The following CEP112 variants were observed in gnomAD, a reference collection of about 807,000 sequenced individuals.
CEP112 encodes centrosomal protein of 112 kDa.
In CEP112, 127 loss-of-function variants were observed where a neutral mutation model predicts 153.0. The observed-to-expected ratio is 0.83, with a 90% CI of 0.72 to 0.96. The LOEUF is 0.96. Among genes scored for constraint, CEP112 ranks in the 40% least tolerant of loss-of-function variants. CEP112 has a pLI of 0.00. For missense variants in CEP112, 1,089 were observed against 1,101.2 expected (o/e 0.99, Z 0.16); for synonymous variants, 358 against 374.4 (o/e 0.96, Z 0.51).
At chr17:66,025,701 G>C (rs756527274) in intron 16 of CEP112, among the ~76,000 whole-genome samples, 1 of 152,014 alleles carries the variant, frequency 6.6e-6, no homozygotes, top group Non-Finnish European at 1.5e-5. Flanking sequence ...CTCTGCTGGT[G>C]GGAATGTAAA....
intron 4 of CEP112, among the ~76,000 whole-genome samples, chr17:66,151,480 T>C (rs112449379): frequency 0.017 from 2,570 of 152,292 alleles, 83 homozygotes; most frequent in African/African-American, 0.059. Context: ...CCCTTGAGTA[T>C]AGTCTGGACC....
intron 4 of CEP112, among the ~76,000 whole-genome samples, chr17:66,145,301 T>C (rs987256697): frequency 7.2e-5 from 11 of 152,192 alleles, no homozygotes; most frequent in African/African-American, 2.4e-4. Flanking sequence ...TTATCAGATA[T>C]ATGTGATGAA....
intron 23 of CEP112, among the ~76,000 whole-genome samples, chr17:65,729,684 T>C (rs2050385356): frequency 6.6e-6 from 1 of 152,196 alleles, no homozygotes; most frequent in African/African-American, 2.4e-5. Flanking sequence ...TACTTCATTT[T>C]GGACCATGCA....
chr17:65,681,051 G>T (rs1469480543), intron 24 of CEP112, among the ~76,000 whole-genome samples: 1 of 152,212 alleles, frequency 6.6e-6, no homozygotes, highest in Non-Finnish European at 1.5e-5. Context: ...GCCACAGAAA[G>T]TGCTGCAAAG....
intron 8 of CEP112, among the ~76,000 whole-genome samples, chr17:66,084,660 G>T (rs570763778): frequency 6.6e-6 from 1 of 152,224 alleles, no homozygotes; most frequent in South Asian, 2.1e-4. Context: ...GTTATTAGGG[G>T]CTGGAAAGGG....
chr17:66,131,781 C>A (rs1194382759), intron 5 of CEP112, among the ~76,000 whole-genome samples: 1 of 152,010 alleles, frequency 6.6e-6, no homozygotes, highest in East Asian at 1.9e-4. Context: ...ATGTGTTACA[C>A]ATGCTTTCTC....
At chr17:65,768,210 T>G (rs1255500561) in intron 21 of CEP112, among the ~76,000 whole-genome samples, 1 of 151,982 alleles carries the variant, frequency 6.6e-6, no homozygotes, top group Non-Finnish European at 1.5e-5. Flanking sequence ...TACAGTAAAG[T>G]AAGCTAGGGA....
At chr17:66,160,699 TA>T (rs2071662892) in intron 4 of CEP112, among the ~76,000 whole-genome samples, 1 of 152,134 alleles carries the variant, frequency 6.6e-6, no homozygotes, top group African/African-American at 2.4e-5. Context: ...CAAGAAGGAT[TA>T]AAGATTTAAA....
At chr17:65,857,115 A>C (rs1190329373) in intron 20 of CEP112, among the ~76,000 whole-genome samples, 1 of 152,182 alleles carries the variant, frequency 6.6e-6, no homozygotes, top group Non-Finnish European at 1.5e-5. Flanking sequence ...GGAGTGTCTG[A>C]GGGAGAGAAT....
In CEP112 at chr17:65,927,652, G is replaced by C; in HGVS notation, c.1910C>G (p.Ser637Cys). 1.2e-6 allele frequency: 2 copies of C among 1,600,756 alleles called. No individual in the cohort carries two copies. Among genetic ancestry groups the C allele is most frequent in the Non-Finnish European group, 1.7e-6 (2 of 1,175,944 alleles). Residue 637 changes from serine to cysteine, a missense_variant, in exon 19 of 27, where the codon TCT (serine) becomes TGT (cysteine). Physicochemically the swap from Ser to Cys is moderately radical, Grantham distance 112. Transcript: ENST00000535342. The stretch of plus-strand genomic sequence containing the variant: ...CTCCTTTGATTGTTTCTCACGAAGA[G>C]ATTTGGATCTAGTTAGATCTGCCTC... ...KVEADLTRSK[S>C]LREKQSKEFL...
chr17:65,866,092 C>T (rs897047134), intron 20 of CEP112, among the ~76,000 whole-genome samples: 5 of 152,070 alleles, frequency 3.3e-5, no homozygotes, highest in Middle Eastern at 3.2e-3. Context: ...GCCACCCAGA[C>T]GCAGCCACGT....
chr17:65,734,935 C>T (rs936365603), intron 23 of CEP112, among the ~76,000 whole-genome samples: 11 of 152,138 alleles, frequency 7.2e-5, no homozygotes, highest in African/African-American at 2.4e-4. Context: ...TTGAATGGAT[C>T]TTTTACTCAG....
intron 17 of CEP112, among the ~76,000 whole-genome samples, chr17:65,975,696 T>A (rs1196124953): frequency 6.6e-6 from 1 of 152,214 alleles, no homozygotes; most frequent in Admixed American, 6.5e-5. Context: ...TAAAACAATT[T>A]AAAACTTTAA....
intron 20 of CEP112, among the ~76,000 whole-genome samples, chr17:65,884,042 T>C (rs1406259598): frequency 6.6e-6 from 1 of 152,156 alleles, no homozygotes; most frequent in Non-Finnish European, 1.5e-5. Flanking sequence ...AACAAGCTAA[T>C]AGAAGATGTC....
intron 19 of CEP112, among the ~76,000 whole-genome samples, chr17:65,920,269 G>C (rs6504375): frequency 0.036 from 5,381 of 148,170 alleles, 305 homozygotes; most frequent in African/African-American, 0.11. Context: ...TCACTTGAAC[G>C]TGGGTGGCAG....
intron 11 of CEP112, among the ~76,000 whole-genome samples, chr17:66,060,680 T>A (rs1164802576): frequency 1.3e-5 from 2 of 152,092 alleles, no homozygotes; most frequent in Admixed American, 1.3e-4. Flanking sequence ...TAATAAATGG[T>A]GCTGGGGAAA....
At chr17:65,955,482 G>A (rs2061971801) in intron 18 of CEP112, among the ~76,000 whole-genome samples, 1 of 152,018 alleles carries the variant, frequency 6.6e-6, no homozygotes, top group African/African-American at 2.4e-5. Context: ...ACGATGAATA[G>A]AATAATACCT....
chr17:65,781,872 C>T (rs2054015758), intron 21 of CEP112, among the ~76,000 whole-genome samples: 1 of 152,136 alleles, frequency 6.6e-6, no homozygotes, highest in South Asian at 2.1e-4. Context: ...AGATTAAAGA[C>T]TTAAATGTAA....
At chr17:66,180,261 G>A (rs2072665256) in intron 2 of CEP112, among the ~76,000 whole-genome samples, 1 of 151,940 alleles carries the variant, frequency 6.6e-6, no homozygotes, top group South Asian at 2.1e-4. Context: ...AGTAAGATTG[G>A]TATTAGTTAT....
Sources: allele counts gnomAD v4.1 joint callset (sites outside exome capture counted in the v4.1 genomes callset), GRCh38; gene constraint gnomAD v4.1.1; transcripts MANE v1.5; gene names NCBI Gene and HGNC (gene_info 2026-07-23, HGNC 2026-07-21).